Variants in FHIP1B observed in about 807,000 individuals in gnomAD.
FHIP1B encodes the protein FHF complex subunit HOOK-interacting protein 1B.
Under a neutral mutation model 82.2 loss-of-function variants are expected in FHIP1B, and 28 were observed. The observed-to-expected ratio is 0.34, with a 90% CI of 0.25 to 0.47. FHIP1B has a LOEUF of 0.47. Ranked by LOEUF, FHIP1B falls within the 20% of genes least tolerant of loss-of-function variation. FHIP1B has a pLI of 1.00. For synonymous variants in FHIP1B, 585 were observed against 516.1 expected (o/e 1.13, Z -1.81); for missense variants, 1,110 against 1,262.6 (o/e 0.88, Z 1.83).
intron 11 of FHIP1B, among the ~76,000 whole-genome samples, chr11:6,212,445 A>G (rs1442310445): frequency 2.0e-5 from 3 of 152,022 alleles, no homozygotes. Context: ...TTCAGTGACA[A>G]TTTCACTTCT....
At chr11:6,214,149 T>C (rs1413251638) in intron 11 of FHIP1B, among the ~76,000 whole-genome samples, 1 of 148,736 alleles carries the variant, frequency 6.7e-6, no homozygotes, top group Admixed American at 6.7e-5. Context: ...GCTGTAATAA[T>C]ATCGCAACCT....
rs774310556 is a variant in FHIP1B at position 6,218,021 on chromosome 11, C to G, written c.1565G>C (p.Cys522Ser). The G allele has an allele frequency of 1.9e-6, 3 of 1,613,308 alleles. No homozygotes were observed. Among genetic ancestry groups the G allele is most frequent in the Non-Finnish European group, 2.5e-6 (3 of 1,179,728 alleles). Residue 522 changes from cysteine (C) to serine (S), a missense_variant, in exon 9 of 12, where the codon TGC becomes TCC. Cys to Ser is a moderately radical substitution (Grantham distance 112). Coordinates refer to ENST00000449352, the MANE Select transcript of FHIP1B (RefSeq NM_001098794.2). Reference protein sequence around the residue: ...GGSESPGPAPCSPGLSASPAS... With the variant: ...GGSESPGPAPSSPGLSASPAS... ...GGGGGATGCAGAAAGCCCTGGTGAG[C>G]AAGGGGCTGGGCCTGGAGACTCAGA...
chr11:6,228,051 G>A (rs1202299528), intron 1 of FHIP1B, among the ~76,000 whole-genome samples: 1 of 152,120 alleles, frequency 6.6e-6, no homozygotes, highest in Admixed American at 6.5e-5. Context: ...AATGAGAAAG[G>A]ATAAAAATAG....
intron 9 of FHIP1B, chr11:6,215,272 A>G (rs956848568): frequency 5.7e-6 from 1 of 175,432 alleles, no homozygotes; most frequent in Admixed American, 6.3e-5. Context: ...CCTACCTCAT[A>G]AGGTGATGAA....
intron 1 of FHIP1B, among the ~76,000 whole-genome samples, chr11:6,230,529 T>A (rs1248801323): frequency 6.6e-6 from 1 of 152,216 alleles, no homozygotes; most frequent in African/African-American, 2.4e-5. Context: ...TGCTTTTCCA[T>A]CCCTCAGACA....
At chr11:6,229,878 T>G (rs1397688685) in intron 1 of FHIP1B, among the ~76,000 whole-genome samples, 1 of 151,638 alleles carries the variant, frequency 6.6e-6, no homozygotes, top group Admixed American at 6.6e-5. Flanking sequence ...TTGGTATTCC[T>G]ATCACCTAAT....
chr11:6,211,686 T>C lies in FHIP1B; in HGVS notation c.2739A>G (p.Glu913=). Residue 913 remains glutamate (E), a synonymous_variant, in exon 12 of 12, where the codon GAA becomes GAG. Coordinates refer to ENST00000449352, the MANE Select transcript of FHIP1B (RefSeq NM_001098794.2). ...TGACTCGAAGAGCCTCACCTTGGCG[T>C]TCAGGGGCCCCGCCCCGGGTGAGTA... ...PVLLTRGGAP[E]RQGEALRVKN... 1 of 1,614,188 alleles carries C rather than the reference T, an allele frequency of 6.2e-7. No individual in the cohort carries two copies. The highest frequency in any genetic ancestry group is 1.1e-5 in the South Asian group (1 of 91,086).
chr11:6,218,464 C>A, intron 8 of FHIP1B, 136 bp downstream of exon 8: 1 of 1,371,998 alleles, frequency 7.3e-7, no homozygotes, highest in South Asian at 1.3e-5. Flanking sequence ...ACACCCTCAT[C>A]AACCTCCCCA....
chr11:6,217,539 C>T lies in FHIP1B; in HGVS notation c.2047G>A (p.Val683Met), dbSNP rs1847269463. The stretch of plus-strand genomic sequence containing the variant: ...CCAGTTCCCCCATTGCTCAATGCCA[C>T]CTCTAGCTCCCGGAGCTCCTGCCCA... The part of the protein sequence containing the change: ...GFGQELRELE[V>M]ALSNGGTGSE... Residue 683 changes from valine to methionine, a missense_variant, in exon 9 of 12, where the codon GTG becomes ATG. Val to Met is a conservative substitution (Grantham distance 21, BLOSUM62 1). Coordinates refer to ENST00000449352, the MANE Select transcript of FHIP1B (RefSeq NM_001098794.2). The T allele has an allele frequency of 6.2e-7, 1 of 1,609,924 alleles. No individual in the cohort carries two copies. Among genetic ancestry groups the T allele is most frequent in the Non-Finnish European group, 8.5e-7 (1 of 1,177,450 alleles).
chr11:6,222,931 TGAG>T (rs751983437), intron 4 of FHIP1B, 34 bp from the exon 5 acceptor site: 2 of 1,605,598 alleles, frequency 1.2e-6, no homozygotes, highest in East Asian at 2.2e-5. Context: ...GGGAGGGTTA[TGAG>T]GAGACCACTG....
At chr11:6,230,403 C>T (rs181712570) in intron 1 of FHIP1B, among the ~76,000 whole-genome samples, 108 of 152,302 alleles carry the variant, frequency 7.1e-4, no homozygotes, top group Non-Finnish European at 1.3e-3. Flanking sequence ...ACCCTAAATA[C>T]TGGAAGTTGA....
chr11:6,216,854 G>A, intron 9 of FHIP1B: 2 of 585,530 alleles, frequency 3.4e-6, no homozygotes, highest in East Asian at 2.8e-5. Context: ...CTTTGAAGAG[G>A]TGGGGAGGAA....
rs772120174 is a variant in FHIP1B, at chr11:6,217,660, C to G, written c.1926G>C (p.Trp642Cys). 2.2e-5 allele frequency: 35 copies of G among 1,613,916 alleles called. No individual in the cohort carries two copies. Among genetic ancestry groups the G allele is most frequent in the Non-Finnish European group, 8.5e-6 (10 of 1,180,020 alleles). The change falls in exon 9 of 12, where the codon TGG becomes TGC. Residue 642 changes from tryptophan (W) to cysteine (C), a missense_variant. This residue lies in a region of FHIP1B where 418 missense variants were observed against 371.4 expected (regional missense o/e 1.13). Transcript: ENST00000449352. ...GACGAACCTTCTTGGCCCCCTCAGG[C>G]CATGATCCTGGCACTCCATTGAGCT... ...PPQLNGVPGSWPEGAKKVRLV... is the reference protein window; with the variant it reads ...PPQLNGVPGSCPEGAKKVRLV...
rs1847321925 is a variant in FHIP1B at position 6,218,699 on chromosome 11, A to G, written c.1336T>C (p.Tyr446His). The stretch of plus-strand genomic sequence containing the variant: ...AGAAACTTGTCAGCTGCTCGTCCAT[A>G]TAGGTCCACATCACGAACAGCCGGC... Reference protein sequence around the residue: ...QKPAVRDVDLYGRAADKFLSL... With the variant: ...QKPAVRDVDLHGRAADKFLSL... Residue 446 changes from tyrosine (Y) to histidine (H), a missense_variant, in exon 8 of 12, where the codon TAT becomes CAT. Transcript: ENST00000449352. 1 of 1,614,178 alleles carries G rather than the reference A, an allele frequency of 6.2e-7. No individual in the cohort carries two copies. Among genetic ancestry groups the G allele is most frequent in the South Asian group, 1.1e-5 (1 of 91,084 alleles).
Position 6,218,098 on chromosome 11 carries a change from G to A in FHIP1B, c.1488C>T (p.Pro496=). The change falls in exon 9 of 12, where the codon CCC becomes CCT. Residue 496 remains proline (P), a synonymous_variant. Transcript: ENST00000449352. ...DSSSVTTVPR[P]STPSRLALFL... is the part of the protein sequence containing the mutation. Reference sequence around the variant, plus strand: ...AGAGAGCCAGACGAGATGGTGTGGAGGGCCGGGGTACTGTCGTCACAGAAG... The same window carrying A: ...AGAGAGCCAGACGAGATGGTGTGGAAGGCCGGGGTACTGTCGTCACAGAAG... 6.2e-7 allele frequency: 1 copy of A among 1,613,580 alleles called. No homozygotes were observed. Among genetic ancestry groups the A allele is most frequent in the Non-Finnish European group, 8.5e-7 (1 of 1,179,746 alleles).
At chr11:6,231,678 T>C (rs1847704128) in intron 1 of FHIP1B, among the ~76,000 whole-genome samples, 1 of 151,950 alleles carries the variant, frequency 6.6e-6, no homozygotes, top group African/African-American at 2.4e-5. Context: ...ATTGTCGTTG[T>C]TGTTGTTGTT....
intron 9 of FHIP1B, 71 bp from the exon 10 acceptor site, chr11:6,214,982 C>A: frequency 2.9e-6 from 4 of 1,377,414 alleles, no homozygotes; most frequent in Non-Finnish European, 2.9e-6. Flanking sequence ...CATTCCTCCC[C>A]AAAACAAGAG....
intron 8 of FHIP1B, 97 bp downstream of exon 8, chr11:6,218,503 C>T: frequency 6.5e-7 from 1 of 1,544,502 alleles, no homozygotes; most frequent in Non-Finnish European, 8.8e-7. Context: ...TGGACACCTT[C>T]CTCCCCTTCA....
intron 1 of FHIP1B, among the ~76,000 whole-genome samples, chr11:6,233,502 A>G (rs183616112): frequency 8.5e-4 from 130 of 152,364 alleles, no homozygotes; most frequent in African/African-American, 2.8e-3. Context: ...TCAGGTGGCT[A>G]AAATGTTCAG....
Sources: allele counts gnomAD v4.1 joint callset (sites outside exome capture counted in the v4.1 genomes callset), GRCh38; gene constraint gnomAD v4.1.1; regional missense constraint gnomAD v4.1.1; transcripts MANE v1.5; gene names NCBI Gene and HGNC (gene_info 2026-07-23, HGNC 2026-07-21).